Variants in SPMIP9 observed in about 807,000 individuals in gnomAD.
SPMIP9 encodes the protein sperm microtubule inner protein 9, also known as protein SPMIP9.
the SPMIP9 span, among the ~76,000 whole-genome samples, chr2:88,528,138 CT>C: frequency 0.17 from 22,782 of 135,202 alleles, 1,461 homozygotes; most frequent in Middle Eastern, 0.4. Flanking sequence ...AGCATTTTCC[CT>C]TTTTTTTTTT....
At chr2:88,524,841 CCA>C in the SPMIP9 span, 1 of 152,464 alleles carries the variant, frequency 6.6e-6, no homozygotes, top group African/African-American at 2.4e-5. Flanking sequence ...CCCTGCTGGG[CCA>C]CAGTCTGCTG....
the SPMIP9 span, among the ~76,000 whole-genome samples, chr2:88,528,792 A>G: frequency 4.2e-3 from 638 of 152,336 alleles, 1 homozygote; most frequent in South Asian, 8.5e-3. Context: ...CTAGAGAGAT[A>G]CAAAAAGCAC....
chr2:88,525,610 G>T, the SPMIP9 span: 1 of 1,614,012 alleles, frequency 6.2e-7, no homozygotes, highest in African/African-American at 1.3e-5. Flanking sequence ...GGCAGAGCAG[G>T]GCTAAACAAC....
the SPMIP9 span, chr2:88,529,178 C>T: frequency 1.6e-4 from 252 of 1,614,222 alleles, 1 homozygote; most frequent in African/African-American, 2.7e-3. Flanking sequence ...AGACCTGGGA[C>T]TCCCCGGCTT....
At chr2:88,526,660 G>C in the SPMIP9 span, among the ~76,000 whole-genome samples, 7 of 148,008 alleles carry the variant, frequency 4.7e-5, no homozygotes, top group African/African-American at 1.7e-4. Context: ...GCATGTATGT[G>C]TGTGTATTTT....
At chr2:88,528,984 T>G in the SPMIP9 span, 2 of 1,500,332 alleles carry the variant, frequency 1.3e-6, no homozygotes, top group Non-Finnish European at 1.8e-6. Context: ...TCTTGGATGC[T>G]TCCAAGAAAA....
At chr2:88,525,732 C>T in the SPMIP9 span, 1 of 1,569,806 alleles carries the variant, frequency 6.4e-7, no homozygotes, top group Admixed American at 1.7e-5. Context: ...CTCAGCAAGG[C>T]CCTGGAAGGG....
chr2:88,525,799 T>G, the SPMIP9 span: 11 of 567,764 alleles, frequency 1.9e-5, no homozygotes, highest in Non-Finnish European at 3.1e-5. Context: ...TTTTGTGGGT[T>G]TTTTTTTTTT....
chr2:88,529,521 A>G, the SPMIP9 span: 1 of 1,506,938 alleles, frequency 6.6e-7, no homozygotes, highest in Non-Finnish European at 9.0e-7. Context: ...GCATGTGGAA[A>G]TCCTATGACC....
the SPMIP9 span, chr2:88,529,337 G>C: frequency 5.6e-6 from 9 of 1,614,142 alleles, no homozygotes; most frequent in Middle Eastern, 1.6e-4. Context: ...TCCGTGCCTC[G>C]TGGATCCCAA....
the SPMIP9 span, chr2:88,526,313 C>T: frequency 9.6e-7 from 1 of 1,037,348 alleles, no homozygotes; most frequent in South Asian, 1.3e-5. Context: ...CAAAGTCGGC[C>T]TTTGTCCTAC....
At chr2:88,526,581 C>A in the SPMIP9 span, 1 of 1,055,154 alleles carries the variant, frequency 9.5e-7, no homozygotes, top group Non-Finnish European at 1.5e-6. Flanking sequence ...CAAATGTGGA[C>A]ATTTGGGCCC....
the SPMIP9 span, chr2:88,525,631 C>G: frequency 6.2e-7 from 1 of 1,614,098 alleles, no homozygotes; most frequent in Non-Finnish European, 8.5e-7. Context: ...TTGTCTGTGT[C>G]TAGGTCGTTT....
At chr2:88,529,000 A>G in the SPMIP9 span, 2 of 1,550,536 alleles carry the variant, frequency 1.3e-6, no homozygotes, top group Admixed American at 1.9e-5. Flanking sequence ...GAAAAGCTAC[A>G]TCATCTCTTG....
chr2:88,526,115 T>C, the SPMIP9 span, among the ~76,000 whole-genome samples: 1 of 152,148 alleles, frequency 6.6e-6, no homozygotes, highest in Non-Finnish European at 1.5e-5. Context: ...GTCTGGGTCT[T>C]GGAGGATAGG....
At chr2:88,527,899 A>C in the SPMIP9 span, among the ~76,000 whole-genome samples, 1 of 152,168 alleles carries the variant, frequency 6.6e-6, no homozygotes, top group Admixed American at 6.5e-5. Flanking sequence ...CAATCTTGCC[A>C]TTGCTTGGTA....
chr2:88,526,770 G>A, the SPMIP9 span, among the ~76,000 whole-genome samples: 1 of 152,002 alleles, frequency 6.6e-6, no homozygotes, highest in African/African-American at 2.4e-5. Context: ...CTGGATTCAA[G>A]CGATTCTCCT....
the SPMIP9 span, among the ~76,000 whole-genome samples, chr2:88,526,773 A>AT: frequency 1.3e-5 from 2 of 151,884 alleles, no homozygotes; most frequent in Non-Finnish European, 2.9e-5. Context: ...GATTCAAGCG[A>AT]TTCTCCTGCC....
chr2:88,529,116 C>T, the SPMIP9 span: 2 of 1,614,158 alleles, frequency 1.2e-6, no homozygotes, highest in East Asian at 2.2e-5. Context: ...AACCCCAACC[C>T]CAAGCTAACA....
Sources: allele counts gnomAD v4.1 joint callset (sites outside exome capture counted in the v4.1 genomes callset), GRCh38; gene constraint gnomAD v4.1.1; transcripts MANE v1.5; gene names NCBI Gene and HGNC (gene_info 2026-07-23, HGNC 2026-07-21).